CYP20A1: variants seen among roughly 807,000 people sequenced by gnomAD.
The protein encoded by CYP20A1 is cytochrome P450 20A1.
A neutral mutation model predicts 61.4 loss-of-function variants in CYP20A1; 61 were observed. That is an observed-to-expected ratio of 0.99 (90% CI 0.81 to 1.23). The LOEUF (loss-of-function observed/expected upper bound fraction) is 1.23, where lower values mean the gene tolerates loss of function less well. Among genes scored for constraint, CYP20A1 ranks in the 50% most tolerant of loss-of-function variants. The pLI is 0.00. For missense variants in CYP20A1, 530 were observed against 542.4 expected (o/e 0.98, Z 0.23); for synonymous variants, 193 against 188.2 (o/e 1.03, Z -0.21).
intron 3 of CYP20A1, 42 bp downstream of exon 3, chr2:203,246,963 T>G: frequency 6.3e-7 from 1 of 1,591,242 alleles, no homozygotes; most frequent in Non-Finnish European, 8.6e-7. Context: ...CCTTACCTTT[T>G]AAGAATGAAT....
At chr2:203,248,933 A>G (rs2066560901) in intron 3 of CYP20A1, among the ~76,000 whole-genome samples, 1 of 151,922 alleles carries the variant, frequency 6.6e-6, no homozygotes, top group Non-Finnish European at 1.5e-5. Flanking sequence ...CTGGCCTCCA[A>G]CTCCTAGACT....
At chr2:203,282,767 A>G (rs2068096939) in intron 8 of CYP20A1, among the ~76,000 whole-genome samples, 1 of 152,146 alleles carries the variant, frequency 6.6e-6, no homozygotes, top group African/African-American at 2.4e-5. Flanking sequence ...GCCCCTTATT[A>G]GCCTTGGGCA....
Position 203,245,888 on chromosome 2 carries a change from G to A in CYP20A1, c.115G>A (p.Glu39Lys). Reference protein sequence around the residue: ...AAGIPGITPTEEKDGNLPDIV... With the variant: ...AAGIPGITPTKEKDGNLPDIV... The stretch of plus-strand genomic sequence containing the variant: ...AGGAATTCCAGGGATTACTCCAACT[G>A]AAGAAAAGTGAGTAATTATTTTCTT... The change falls in exon 2 of 13, where the codon GAA becomes AAA. Residue 39 changes from glutamate to lysine, a missense_variant. Coordinates refer to ENST00000356079, the MANE Select transcript of CYP20A1 (RefSeq NM_177538.3). The A allele has an allele frequency of 6.3e-7, 1 of 1,591,432 alleles. No individual in the cohort carries two copies. Among genetic ancestry groups the A allele is most frequent in the South Asian group, 1.1e-5 (1 of 89,034 alleles).
In CYP20A1 at chr2:203,284,140, G is replaced by A. The variant is rs139172084; in HGVS notation, c.851-1472G>A. Among the ~76,000 whole-genome samples, 365 of 152,218 alleles carry A rather than the reference G, an allele frequency of 2.4e-3. 1 individual carries two copies. Among genetic ancestry groups the A allele is most frequent in the Admixed American group, 9.4e-3 (144 of 15,280 alleles). On this transcript the variant is annotated intron_variant, in intron 8 of 12. Transcript: ENST00000356079. ...ACTAATCAGAGTAATTGAGTACCAG[G>A]TTACTACTGATTTTAATGGTAACAA...
chr2:203,294,471 G>T (rs1017712953), intron 11 of CYP20A1, among the ~76,000 whole-genome samples: 97 of 151,676 alleles, frequency 6.4e-4, no homozygotes, highest in Non-Finnish European at 5.9e-5. Context: ...AGTGAGCCGA[G>T]GTCATGTCAT....
intron 6 of CYP20A1, 77 bp downstream of exon 6, chr2:203,272,825 G>T: frequency 6.3e-6 from 5 of 797,666 alleles, no homozygotes; most frequent in Non-Finnish European, 1.0e-5. Flanking sequence ...TCTCTGAATA[G>T]TGAGATTAAA....
chr2:203,268,594 G>GT (rs558953868), intron 5 of CYP20A1, among the ~76,000 whole-genome samples: 14,459 of 144,856 alleles, frequency 0.1, 797 homozygotes, highest in Non-Finnish European at 0.13. Flanking sequence ...CAAATTATTT[G>GT]TTTTTTTTTT....
Position 203,251,956 on chromosome 2 carries a change from G to T in CYP20A1, c.290-11G>T, listed in dbSNP as rs200678380. The T allele has an allele frequency of 3.0e-4, 456 of 1,525,676 alleles. No homozygotes were observed. The highest frequency in any genetic ancestry group is 1.1e-3 in the Admixed American group (56 of 52,658). 94.5% of individuals were successfully genotyped at this position (1,525,676 alleles called of 1,614,324 possible). ...ATTTTGATACAGAAATATTTAATTT[G>T]TCTGTTTCAGCGGACCCTTTTGAAA... On this transcript the variant is annotated splice_polypyrimidine_tract_variant and intron_variant, in intron 3 of 12. Coordinates refer to ENST00000356079, the MANE Select transcript of CYP20A1 (RefSeq NM_177538.3).
intron 4 of CYP20A1, among the ~76,000 whole-genome samples, chr2:203,265,834 G>A (rs1440336615): frequency 2.0e-5 from 3 of 152,024 alleles, no homozygotes; most frequent in Admixed American, 1.3e-4. Flanking sequence ...GGGATTACAG[G>A]CGTGCACCAC....
At chr2:203,285,206 A>G (rs979809374) in intron 8 of CYP20A1, among the ~76,000 whole-genome samples, 2 of 152,194 alleles carry the variant, frequency 1.3e-5, no homozygotes, top group African/African-American at 4.8e-5. Flanking sequence ...TTATTTCATT[A>G]GTGCTCCTAA....
intron 9 of CYP20A1, among the ~76,000 whole-genome samples, chr2:203,288,041 C>G (rs1329665739): frequency 1.1e-5 from 1 of 91,388 alleles, no homozygotes; most frequent in African/African-American, 4.1e-5. Flanking sequence ...AGGTTTCAGC[C>G]TGTGTTTATT....
chr2:203,273,029 T>G (rs1266397528), intron 6 of CYP20A1, among the ~76,000 whole-genome samples: 1 of 152,076 alleles, frequency 6.6e-6, no homozygotes, highest in Non-Finnish European at 1.5e-5. Flanking sequence ...GTATTTTTAG[T>G]AGAGACAGGG....
At chr2:203,265,452 C>G (rs2067286340) in intron 4 of CYP20A1, among the ~76,000 whole-genome samples, 2 of 152,188 alleles carry the variant, frequency 1.3e-5, no homozygotes, top group Non-Finnish European at 2.9e-5. Context: ...TATTCTCTCT[C>G]CCACCTTTAT....
At chr2:203,250,115 G>A (rs1235910780) in intron 3 of CYP20A1, among the ~76,000 whole-genome samples, 1 of 152,038 alleles carries the variant, frequency 6.6e-6, no homozygotes, top group African/African-American at 2.4e-5. Flanking sequence ...AATATCTTAA[G>A]GAGTTGATCC....
chr2:203,239,573 G>T (rs2066173828), intron 1 of CYP20A1, among the ~76,000 whole-genome samples: 1 of 152,198 alleles, frequency 6.6e-6, no homozygotes, highest in Non-Finnish European at 1.5e-5. Context: ...GATTCTCCCA[G>T]CACTTGTGTA....
chr2:203,281,421 A>G (rs546269449), intron 8 of CYP20A1, among the ~76,000 whole-genome samples: 149 of 152,246 alleles, frequency 9.8e-4, no homozygotes, highest in African/African-American at 3.4e-3. Context: ...AGGTGGGAGG[A>G]TCACCTAAGC....
At position 203,255,574 on chromosome 2, in the gene CYP20A1, C is replaced by G. The variant is rs1415462955; in HGVS notation, c.432+3465C>G. On this transcript the variant is annotated intron_variant, in intron 4 of 12. Coordinates refer to ENST00000356079, the MANE Select transcript of CYP20A1 (RefSeq NM_177538.3). ...ATTGTTTTTTCCCCTGATCCAAGTTCATGGACTGCACTGGATTCCATGAAC... is the reference window on the plus strand; with the variant it reads ...ATTGTTTTTTCCCCTGATCCAAGTTGATGGACTGCACTGGATTCCATGAAC... Among the ~76,000 whole-genome samples, 5 of 152,224 alleles carry G rather than the reference C, an allele frequency of 3.3e-5. No individual in the cohort carries two copies. The East Asian group carries it at 9.6e-4, about 29-fold the overall frequency.
Position 203,302,611 on chromosome 2 carries a change from A to G in CYP20A1, c.*5703A>G, listed in dbSNP as rs1021515355. On this transcript the variant is annotated 3_prime_UTR_variant, in exon 13 of 13. Transcript: ENST00000356079. ...ATACAAAATATTATTTGCATTTAAC[A>G]TATTCTGAACCAATAGTCTTTTCTA... 4.6e-5 allele frequency among the ~76,000 whole-genome samples: 7 copies of G among 152,286 alleles called. No homozygotes were observed. The highest frequency in any genetic ancestry group is 1.7e-4 in the African/African-American group (7 of 41,562).
intron 5 of CYP20A1, among the ~76,000 whole-genome samples, chr2:203,267,561 T>G (rs558561409): frequency 5.2e-4 from 79 of 151,372 alleles, no homozygotes; most frequent in African/African-American, 1.8e-3. Flanking sequence ...AAGAAAGATC[T>G]TGGCCGGGCG....
Sources: gnomAD v4.1 joint callset for allele counts (sites outside exome capture counted in the v4.1 genomes callset) on GRCh38, gnomAD v4.1.1 for gene constraint, MANE v1.5 for transcripts, NCBI Gene and HGNC (gene_info 2026-07-23, HGNC 2026-07-21) for gene names.